MTMR1: variants seen among roughly 807,000 people sequenced by gnomAD.
The protein encoded by MTMR1 is phosphatidylinositol-3-phosphate phosphatase MTMR1.
Under a neutral mutation model 51.6 loss-of-function variants are expected in MTMR1, and 17 were observed. The observed-to-expected ratio is 0.33, with a 90% CI of 0.23 to 0.49. The LOEUF (loss-of-function observed/expected upper bound fraction) is 0.49. MTMR1 is among the 20% of genes least tolerant of loss of function. MTMR1 has a pLI of 0.99. For missense variants in MTMR1, 386 were observed against 526.9 expected (o/e 0.73, Z 2.62); for synonymous variants, 201 against 205.6 (o/e 0.98, Z 0.19).
intron 3 of MTMR1, chrX:150,712,610 A>C: frequency 2.8e-6 from 1 of 358,742 alleles, no homozygotes; most frequent in South Asian, 5.6e-5. Context: ...ACCAGTGTGC[A>C]ATACTGACTT....
chrX:150,732,055 G>C (rs1025108477), intron 9 of MTMR1, among the ~76,000 whole-genome samples: 8 of 111,647 alleles, frequency 7.2e-5, no homozygotes, highest in African/African-American at 2.6e-4. Context: ...AATGGTTTGA[G>C]CCCAGAGTTT....
intron 15 of MTMR1, among the ~76,000 whole-genome samples, chrX:150,761,636 C>G (rs1038840375): frequency 8.9e-6 from 1 of 112,697 alleles, no homozygotes; most frequent in African/African-American, 3.2e-5. Context: ...CTGCTGTTTA[C>G]ACATGGGATC....
At chrX:150,710,792 C>G (rs187515878) in intron 2 of MTMR1, among the ~76,000 whole-genome samples, 3 of 112,462 alleles carry the variant, frequency 2.7e-5, no homozygotes, top group East Asian at 2.8e-4. Context: ...AACAAAAGAA[C>G]TCAAAATTAG....
intron 2 of MTMR1, 61 bp from the exon 3 acceptor site, chrX:150,712,281 A>G (rs1557416243): frequency 4.7e-6 from 5 of 1,059,717 alleles, no homozygotes; most frequent in South Asian, 4.1e-5. Flanking sequence ...ACTTAATGGC[A>G]TCTTTCACAG....
chrX:150,755,233 C>G (rs1184243081), intron 14 of MTMR1, among the ~76,000 whole-genome samples: 1 of 110,930 alleles, frequency 9.0e-6, no homozygotes, highest in African/African-American at 3.3e-5. Flanking sequence ...TTTGTAGAGA[C>G]AAAGTCTCAC....
At chrX:150,713,771 AATTAAAG>A (rs1364224475) in intron 3 of MTMR1, among the ~76,000 whole-genome samples, 1 of 112,063 alleles carries the variant, frequency 8.9e-6, no homozygotes, top group Non-Finnish European at 1.9e-5. Flanking sequence ...GATTGGAAAA[AATTAAAG>A]ATGTGTGGCC....
Position 150,764,699 on chromosome X carries a change from A to T in MTMR1, c.*1970A>T, listed in dbSNP as rs1387505578. On this transcript the variant is annotated 3_prime_UTR_variant, in exon 16 of 16. Transcript: ENST00000445323. ...AGAGGAGACTCTCATTCGATTTTAA[A>T]GAAGCACAACGGGTCATTTTCCTTT... 9 of 112,425 alleles carry T rather than the reference A, an allele frequency of 8.0e-5. No individual in the cohort carries two copies. Among genetic ancestry groups the T allele is most frequent in the African/African-American group, 2.9e-4 (9 of 30,945 alleles). The allele number at this position is 112,425 out of a possible 1,213,427, so 9.3% of individuals were successfully genotyped here. A position where few individuals can be genotyped will look rare whatever the true frequency, so the allele number is the denominator to read the frequency against.
chrX:150,728,698 A>G (rs2042017176), intron 6 of MTMR1, among the ~76,000 whole-genome samples: 1 of 110,434 alleles, frequency 9.1e-6, no homozygotes, highest in Non-Finnish European at 1.9e-5. Flanking sequence ...GACTTTGGTA[A>G]TGTTTACCAA....
At chrX:150,761,324 G>A (rs2148686685) in intron 15 of MTMR1, among the ~76,000 whole-genome samples, 1 of 112,165 alleles carries the variant, frequency 8.9e-6, no homozygotes, top group South Asian at 3.7e-4. Flanking sequence ...CCCACTGGGT[G>A]CTGGTTACTG....
At chrX:150,723,612 G>A (rs2041827713) in intron 4 of MTMR1, among the ~76,000 whole-genome samples, 1 of 111,509 alleles carries the variant, frequency 9.0e-6, no homozygotes, top group Non-Finnish European at 1.9e-5. Context: ...CCCTATTTTA[G>A]GTACATGTGC....
intron 9 of MTMR1, 63 bp downstream of exon 9, chrX:150,731,682 A>T: frequency 1.0e-6 from 1 of 985,105 alleles, no homozygotes; most frequent in Non-Finnish European, 1.3e-6. Flanking sequence ...ATATGGAGAG[A>T]TTTAAGACAA....
intron 6 of MTMR1, among the ~76,000 whole-genome samples, chrX:150,728,874 T>C (rs782213016): frequency 7.7e-4 from 84 of 109,410 alleles, no homozygotes; most frequent in Non-Finnish European, 1.4e-3. Flanking sequence ...TTTTTTTTTT[T>C]CCAAAGAACC....
chrX:150,738,084 A>G (rs2042327271), intron 12 of MTMR1, among the ~76,000 whole-genome samples: 1 of 110,833 alleles, frequency 9.0e-6, no homozygotes, highest in African/African-American at 3.3e-5. Flanking sequence ...AAAACAAAAC[A>G]AAAACCGTAC....
At chrX:150,715,535 T>C (rs892036215) in intron 3 of MTMR1, among the ~76,000 whole-genome samples, 1 of 112,480 alleles carries the variant, frequency 8.9e-6, no homozygotes, top group Non-Finnish European at 1.9e-5. Flanking sequence ...TCAAATCATG[T>C]CCTGTGCAAC....
intron 15 of MTMR1, among the ~76,000 whole-genome samples, chrX:150,758,141 A>C (rs782346290): frequency 9.0e-6 from 1 of 111,397 alleles, no homozygotes; most frequent in African/African-American, 3.3e-5. Flanking sequence ...TGCTCTCTCC[A>C]GCCCCTTGAA....
intron 12 of MTMR1, among the ~76,000 whole-genome samples, chrX:150,741,669 C>T (rs193079642): frequency 7.1e-5 from 8 of 112,690 alleles, no homozygotes; most frequent in Non-Finnish European, 7.5e-5. Context: ...AGCCAAGGAC[C>T]GGGCCTCTAC....
At chrX:150,731,315 A>G (rs1310650136) in intron 8 of MTMR1, among the ~76,000 whole-genome samples, 155 bp from the exon 9 acceptor site, 4 of 112,366 alleles carry the variant, frequency 3.6e-5, no homozygotes, top group Admixed American at 2.8e-4. Flanking sequence ...GTTTTACCGA[A>G]TAAATATATA....
intron 13 of MTMR1, among the ~76,000 whole-genome samples, chrX:150,746,508 G>A (rs2042579674): frequency 8.9e-6 from 1 of 112,566 alleles, no homozygotes; most frequent in Admixed American, 9.4e-5. Flanking sequence ...TTCAGGTTAG[G>A]ACAAGAAAGT....
At chrX:150,697,601 C>T (rs188467254) in intron 1 of MTMR1, among the ~76,000 whole-genome samples, 5 of 111,437 alleles carry the variant, frequency 4.5e-5, no homozygotes, top group East Asian at 5.7e-4. Flanking sequence ...TCTCTTACTG[C>T]GCTAGTTGGC....
Sources: allele counts gnomAD v4.1 joint callset (sites outside exome capture counted in the v4.1 genomes callset), GRCh38; gene constraint gnomAD v4.1.1; transcripts MANE v1.5; gene names NCBI Gene and HGNC (gene_info 2026-07-23, HGNC 2026-07-21).